Variants in SV2C observed in about 807,000 individuals in gnomAD.
SV2C encodes solute carrier family 22 member B3.
SV2C carries 49 observed loss-of-function variants against 79.7 expected under a neutral mutation model. The ratio of observed to expected loss-of-function variants is 0.61; its 90% CI spans 0.49 to 0.78. The LOEUF is 0.78. SV2C is among the 30% of genes least tolerant of loss of function. SV2C has a pLI of 0.00. For synonymous variants in SV2C, 334 were observed against 333.2 expected (o/e 1.00, Z -0.03); for missense variants, 833 against 912.9 (o/e 0.91, Z 1.13).
chr5:75,966,881 C>T, the SV2C span, among the ~76,000 whole-genome samples: 1 of 152,156 alleles, frequency 6.6e-6, no homozygotes, highest in Non-Finnish European at 1.5e-5. Flanking sequence ...AAAGCACAGT[C>T]TCAAGACAGA....
At chr5:76,053,315 T>C in the SV2C span, among the ~76,000 whole-genome samples, 2 of 152,158 alleles carry the variant, frequency 1.3e-5, no homozygotes, top group Non-Finnish European at 2.9e-5. Flanking sequence ...TGTGATACAA[T>C]GCTAGTCTCT....
At chr5:75,937,072 A>AG in the SV2C span, among the ~76,000 whole-genome samples, 1 of 151,854 alleles carries the variant, frequency 6.6e-6, no homozygotes, top group Non-Finnish European at 1.5e-5. Context: ...GAAATCTAAA[A>AG]GATAGTAACA....
chr5:76,078,973 C>A, upstream of SV2C: 1 of 504,476 alleles, frequency 2.0e-6, no homozygotes, highest in South Asian at 1.6e-5. Context: ...AGAATTGAGT[C>A]AAGACAGTAC....
At chr5:75,885,548 A>G in the SV2C span, among the ~76,000 whole-genome samples, 21 of 152,138 alleles carry the variant, frequency 1.4e-4, no homozygotes, top group African/African-American at 4.8e-4. Flanking sequence ...TTTAAGCAGA[A>G]GTTCATGCTA....
At chr5:75,928,893 G>A in the SV2C span, among the ~76,000 whole-genome samples, 1 of 152,098 alleles carries the variant, frequency 6.6e-6, no homozygotes, top group African/African-American at 2.4e-5. Flanking sequence ...GAAATGCCTG[G>A]ATAGTACAAT....
At chr5:76,323,430 T>C (rs1041663389) in intron 12 of SV2C, among the ~76,000 whole-genome samples, 1 of 152,246 alleles carries the variant, frequency 6.6e-6, no homozygotes, top group African/African-American at 2.4e-5. Context: ...ACTTTTACAC[T>C]GTTGGTGTGA....
At chr5:76,079,397 C>T (rs1746944082), upstream of SV2C, 6 of 301,906 alleles carry the variant, frequency 2.0e-5, no homozygotes, top group South Asian at 2.6e-4. Flanking sequence ...TGTAGACAAT[C>T]TTAAAGGAGG....
the SV2C span, among the ~76,000 whole-genome samples, chr5:76,038,104 C>G: frequency 4.0e-4 from 61 of 152,376 alleles, no homozygotes; most frequent in African/African-American, 1.4e-3. Context: ...CTTCGGCTCA[C>G]GCACGGTGCG....
At chr5:76,043,943 C>T in the SV2C span, among the ~76,000 whole-genome samples, 204 of 152,096 alleles carry the variant, frequency 1.3e-3, 1 homozygote, top group African/African-American at 4.6e-3. Flanking sequence ...ACATGTGCAG[C>T]ATGTGAAGGT....
chr5:75,861,543 T>C, the SV2C span, among the ~76,000 whole-genome samples: 1 of 152,134 alleles, frequency 6.6e-6, no homozygotes, highest in Non-Finnish European at 1.5e-5. Context: ...CACAGCACTA[T>C]CCACAATAGC....
chr5:75,911,608 C>T, the SV2C span: 3 of 699,100 alleles, frequency 4.3e-6, no homozygotes, highest in South Asian at 4.5e-5. Context: ...AGTAAGAACT[C>T]CTGAGGTCAA....
At chr5:75,934,901 G>A in the SV2C span, among the ~76,000 whole-genome samples, 1 of 95,240 alleles carries the variant, frequency 1.0e-5, no homozygotes, top group Non-Finnish European at 2.1e-5. Flanking sequence ...TTTTTTTTTT[G>A]CATTTTACAT....
At chr5:76,188,883 A>G (rs1744007381) in intron 2 of SV2C, among the ~76,000 whole-genome samples, 2 of 151,990 alleles carry the variant, frequency 1.3e-5, no homozygotes, top group Admixed American at 6.6e-5. Flanking sequence ...GGAAGACCAC[A>G]CTCAGCCAAC....
upstream of SV2C, chr5:76,078,988 C>T (rs1746932494): frequency 6.3e-6 from 3 of 472,734 alleles, no homozygotes; most frequent in Non-Finnish European, 1.3e-5. Flanking sequence ...CAGTACTGGG[C>T]TGGTGAAGCG....
chr5:75,941,013 G>A, the SV2C span, among the ~76,000 whole-genome samples: 1 of 152,136 alleles, frequency 6.6e-6, no homozygotes, highest in Non-Finnish European at 1.5e-5. Flanking sequence ...GATTTTATTA[G>A]CTGTTAAAGT....
the SV2C span, among the ~76,000 whole-genome samples, chr5:76,036,589 A>T: frequency 6.6e-6 from 1 of 152,152 alleles, no homozygotes; most frequent in Non-Finnish European, 1.5e-5. Context: ...CTCTTCTGGC[A>T]TGTAGAATTT....
the SV2C span, among the ~76,000 whole-genome samples, chr5:76,055,995 T>C: frequency 2.0e-5 from 3 of 151,542 alleles, no homozygotes; most frequent in Non-Finnish European, 3.0e-5. Flanking sequence ...GTATTTCTTT[T>C]GTTTGATTGC....
chr5:76,115,887 A>G (rs2112149528), intron 1 of SV2C, among the ~76,000 whole-genome samples: 1 of 152,296 alleles, frequency 6.6e-6, no homozygotes, highest in South Asian at 2.1e-4. Context: ...CTGCTCAGCC[A>G]CTTGGCCTCA....
chr5:75,906,663 T>C, the SV2C span, among the ~76,000 whole-genome samples: 1 of 152,310 alleles, frequency 6.6e-6, no homozygotes, highest in East Asian at 1.9e-4. Flanking sequence ...GCTTTCTTTC[T>C]CTTTTTCTGC....
Sources: gnomAD v4.1 joint callset for allele counts (sites outside exome capture counted in the v4.1 genomes callset) on GRCh38, gnomAD v4.1.1 for gene constraint, MANE v1.5 for transcripts, NCBI Gene and HGNC (gene_info 2026-07-23, HGNC 2026-07-21) for gene names.